Variants in GALNT10 observed in about 807,000 individuals in gnomAD.
The protein encoded by GALNT10 is polypeptide N-acetylgalactosaminyltransferase 10.
In GALNT10, 41 loss-of-function variants were observed where a neutral mutation model predicts 75.0. That is an observed-to-expected ratio of 0.55 (90% CI 0.43 to 0.71). The LOEUF (loss-of-function observed/expected upper bound fraction) is 0.71, where lower values mean the gene tolerates loss of function less well. GALNT10 is among the 30% of genes least tolerant of loss of function. The pLI, the probability that GALNT10 is intolerant of heterozygous loss-of-function variation, is 0.00. For synonymous variants in GALNT10, 302 were observed against 313.0 expected (o/e 0.96, Z 0.37); for missense variants, 727 against 818.5 (o/e 0.89, Z 1.36).
intron 1 of GALNT10, among the ~76,000 whole-genome samples, chr5:154,241,343 G>A (rs2113668259): frequency 6.6e-6 from 1 of 152,284 alleles, no homozygotes; most frequent in Admixed American, 6.5e-5. Flanking sequence ...GTGGGGTATA[G>A]AGGACAACAG....
intron 1 of GALNT10, among the ~76,000 whole-genome samples, chr5:154,209,237 C>T (rs1302488900): frequency 1.3e-5 from 2 of 152,204 alleles, no homozygotes; most frequent in Admixed American, 1.3e-4. Context: ...ACCCGTGCTG[C>T]CTGCCTACTG....
chr5:154,286,087 G>A (rs962879073), intron 1 of GALNT10, among the ~76,000 whole-genome samples: 1 of 152,158 alleles, frequency 6.6e-6, no homozygotes, highest in African/African-American at 2.4e-5. Flanking sequence ...GACTATCTTT[G>A]TACCATGTAC....
At chr5:154,404,758 C>G (rs1009453159) in intron 8 of GALNT10, among the ~76,000 whole-genome samples, 3 of 152,072 alleles carry the variant, frequency 2.0e-5, no homozygotes, top group African/African-American at 7.2e-5. Flanking sequence ...GGAAAGCTTG[C>G]GTACTAAATT....
chr5:154,294,976 T>TTGTGTGTGTG (rs70978534), intron 2 of GALNT10, 58 bp downstream of exon 2: 4 of 610,378 alleles, frequency 6.6e-6, no homozygotes, highest in Admixed American at 5.0e-5. Context: ...GCACATATGC[T>TTGTGTGTGTG]TGTGTGTGTG....
chr5:154,282,674 C>T (rs1015939493), intron 1 of GALNT10, among the ~76,000 whole-genome samples: 4 of 152,048 alleles, frequency 2.6e-5, no homozygotes, highest in African/African-American at 9.7e-5. Flanking sequence ...GCTTTGTAGC[C>T]CATTAAGTTG....
At chr5:154,219,121 GCT>G (rs1380744184) in intron 1 of GALNT10, among the ~76,000 whole-genome samples, 2 of 152,152 alleles carry the variant, frequency 1.3e-5, no homozygotes, top group African/African-American at 4.8e-5. Flanking sequence ...GTAGTCCCCT[GCT>G]CTCCCACCTG....
At chr5:154,391,735 G>T (rs748383325) in intron 7 of GALNT10, among the ~76,000 whole-genome samples, 6 of 152,196 alleles carry the variant, frequency 3.9e-5, no homozygotes, top group Non-Finnish European at 8.8e-5. Flanking sequence ...AGACCCTAAG[G>T]CCGGGCTGGA....
intron 1 of GALNT10, among the ~76,000 whole-genome samples, chr5:154,252,704 GCT>G (rs1753542177): frequency 6.6e-6 from 1 of 151,732 alleles, no homozygotes; most frequent in East Asian, 1.9e-4. Flanking sequence ...TATGTCCTGG[GCT>G]CTTTCAGTTT....
At chr5:154,227,745 G>C (rs1277339964) in intron 1 of GALNT10, among the ~76,000 whole-genome samples, 1 of 151,320 alleles carries the variant, frequency 6.6e-6, no homozygotes, top group Non-Finnish European at 1.5e-5. Flanking sequence ...TAAGTCCCAA[G>C]GTTTTTTTTT....
At chr5:154,363,521 A>AAAAT (rs1755423468) in intron 4 of GALNT10, among the ~76,000 whole-genome samples, 1 of 130,748 alleles carries the variant, frequency 7.6e-6, no homozygotes, top group Non-Finnish European at 1.6e-5. Context: ...AAAAAAAAAA[A>AAAAT]GGCTCCAAAC....
chr5:154,247,351 T>G (rs1285902925), intron 1 of GALNT10, among the ~76,000 whole-genome samples: 2 of 152,202 alleles, frequency 1.3e-5, no homozygotes, highest in South Asian at 2.1e-4. Flanking sequence ...GTGAAGAAAG[T>G]CATTGGTAGC....
At chr5:154,258,246 A>G (rs933902789) in intron 1 of GALNT10, among the ~76,000 whole-genome samples, 1 of 152,154 alleles carries the variant, frequency 6.6e-6, no homozygotes, top group Non-Finnish European at 1.5e-5. Context: ...CCCAGAATGT[A>G]CTGAGAGCCT....
chr5:154,191,955 C>T (rs767646508), intron 1 of GALNT10, among the ~76,000 whole-genome samples: 24 of 152,380 alleles, frequency 1.6e-4, no homozygotes, highest in Non-Finnish European at 3.2e-4. Context: ...TAGCAGCTCC[C>T]TCATAGCAGA....
rs749998278 is a variant in GALNT10, at chr5:154,380,583, T to C, written c.890T>C (p.Ile297Thr). 1 of 1,613,968 alleles carries C rather than the reference T, an allele frequency of 6.2e-7. No individual in the cohort carries two copies. The highest frequency in any genetic ancestry group is 1.7e-5 in the Admixed American group (1 of 60,016). Residue 297 changes from isoleucine (I) to threonine (T), a missense_variant, in exon 6 of 12, where the codon ATC becomes ACC. Coordinates refer to ENST00000297107, the MANE Select transcript of GALNT10 (RefSeq NM_198321.4). The stretch of plus-strand genomic sequence containing the variant: ...GACTGGGAGATGTACTACAAGCGGA[T>C]CCCGATCCCTCCAGAACTGCAGAAA... ...AFDWEMYYKR[I>T]PIPPELQKAD...
At chr5:154,310,477 G>C (rs1011855676) in intron 3 of GALNT10, among the ~76,000 whole-genome samples, 6 of 150,260 alleles carry the variant, frequency 4.0e-5, no homozygotes. Flanking sequence ...TTGTTTGTTT[G>C]TTTTGTTTTT....
At position 154,412,862 on chromosome 5, in the gene GALNT10, T is replaced by A; in HGVS notation, c.1387-27T>A. On this transcript the variant is annotated intron_variant, in intron 9 of 11. Coordinates refer to ENST00000297107, the MANE Select transcript of GALNT10 (RefSeq NM_198321.4). The surrounding 1 kb of genome is among the most constrained non-coding windows in gnomAD (Gnocchi z 4.2). ...TGGGCACCTTAAGGCACCTCAGTGG[T>A]CCACTTCTTCCCTCTTTCCCTTTCA... 6.6e-7 allele frequency: 1 copy of A among 1,518,202 alleles called. No homozygotes were observed. The allele number at this position is 1,518,202 out of a possible 1,614,324, so 94.0% of individuals were successfully genotyped here. A position where few individuals can be genotyped will look rare whatever the true frequency, so the allele number is the denominator to read the frequency against.
intron 7 of GALNT10, among the ~76,000 whole-genome samples, chr5:154,403,419 A>G (rs1459064696): frequency 3.3e-5 from 5 of 152,164 alleles, no homozygotes; most frequent in Non-Finnish European, 5.9e-5. Context: ...GAGGGAGGCA[A>G]AGAGAACCAT....
chr5:154,320,278 T>C (rs1020908363), intron 3 of GALNT10, among the ~76,000 whole-genome samples: 4 of 152,346 alleles, frequency 2.6e-5, no homozygotes, highest in Admixed American at 2.6e-4. Context: ...TTTAATTCCA[T>C]GATTGAATTA....
chr5:154,266,061 A>T (rs1753771011), intron 1 of GALNT10, among the ~76,000 whole-genome samples: 1 of 152,242 alleles, frequency 6.6e-6, no homozygotes, highest in Non-Finnish European at 1.5e-5. Flanking sequence ...ATGTTTATTG[A>T]AACTTAAAGA....
Sources: gnomAD v4.1 joint callset for allele counts (sites outside exome capture counted in the v4.1 genomes callset) on GRCh38, gnomAD v4.1.1 for gene constraint, Gnocchi (gnomAD v3.1) non-coding constraint, MANE v1.5 for transcripts, NCBI Gene and HGNC (gene_info 2026-07-23, HGNC 2026-07-21) for gene names.